SPIDR: variants seen among roughly 807,000 people sequenced by gnomAD.
The protein encoded by SPIDR is DNA repair-scaffolding protein.
Under a neutral mutation model 104.6 loss-of-function variants are expected in SPIDR, and 93 were observed. The ratio of observed to expected loss-of-function variants is 0.89; its 90% CI spans 0.75 to 1.06. SPIDR has a LOEUF of 1.06. Ranked by LOEUF, SPIDR falls within the 50% of genes least tolerant of loss-of-function variation. The probability of loss-of-function intolerance (pLI) is 0.00; values close to 1 mark genes in which losing one functional copy is unlikely to be tolerated. For synonymous variants in SPIDR, 431 were observed against 416.9 expected (o/e 1.03, Z -0.41); for missense variants, 1,154 against 1,111.2 (o/e 1.04, Z -0.55).
At chr8:47,660,017 C>T (rs1445971825) in intron 10 of SPIDR, among the ~76,000 whole-genome samples, 2 of 152,208 alleles carry the variant, frequency 1.3e-5, no homozygotes, top group African/African-American at 2.4e-5. Context: ...TCTCGCTGTC[C>T]TTCATTCGTG....
intron 5 of SPIDR, among the ~76,000 whole-genome samples, chr8:47,296,023 C>T (rs1378782667): frequency 6.6e-6 from 1 of 152,156 alleles, no homozygotes; most frequent in Non-Finnish European, 1.5e-5. Context: ...ATCTGCATTT[C>T]CCTGGTGAGT....
At chr8:47,472,512 G>A (rs2075843484) in intron 8 of SPIDR, among the ~76,000 whole-genome samples, 1 of 152,188 alleles carries the variant, frequency 6.6e-6, no homozygotes, top group South Asian at 2.1e-4. Context: ...AAGTATTACA[G>A]GTGTTCAAGG....
chr8:47,432,714 C>T (rs917443307), intron 7 of SPIDR, among the ~76,000 whole-genome samples: 21 of 152,146 alleles, frequency 1.4e-4, no homozygotes, highest in Admixed American at 5.9e-4. Flanking sequence ...TATTTTTCAC[C>T]TTGTCATAGA....
intron 5 of SPIDR, among the ~76,000 whole-genome samples, chr8:47,335,681 C>T (rs1554608401): frequency 6.6e-6 from 1 of 152,144 alleles, no homozygotes; most frequent in African/African-American, 2.4e-5. Flanking sequence ...GAACTCCTGG[C>T]CTCAAGTGAT....
chr8:47,418,285 C>G (rs2154331832), intron 7 of SPIDR, among the ~76,000 whole-genome samples: 1 of 152,180 alleles, frequency 6.6e-6, no homozygotes, highest in African/African-American at 2.4e-5. Context: ...TGTTTGTATC[C>G]TCTTTTATTT....
intron 8 of SPIDR, among the ~76,000 whole-genome samples, chr8:47,558,873 C>T (rs571745568): frequency 2.0e-5 from 3 of 152,266 alleles, no homozygotes; most frequent in South Asian, 2.1e-4. Context: ...GATCTGACCT[C>T]GTGATCCACC....
chr8:47,433,017 A>G (rs556321458), intron 7 of SPIDR, among the ~76,000 whole-genome samples: 1 of 152,162 alleles, frequency 6.6e-6, no homozygotes, highest in Non-Finnish European at 1.5e-5. Context: ...CAGTATTCTC[A>G]TACTACCTGC....
chr8:47,386,888 G>A (rs1419336050), intron 5 of SPIDR, among the ~76,000 whole-genome samples: 2 of 62,044 alleles, frequency 3.2e-5, no homozygotes, highest in Non-Finnish European at 6.9e-5. Flanking sequence ...GAGAGAGAGA[G>A]AGAAAGAGAG....
chr8:47,590,046 C>T (rs2060801891), intron 8 of SPIDR, among the ~76,000 whole-genome samples: 1 of 151,738 alleles, frequency 6.6e-6, no homozygotes, highest in Non-Finnish European at 1.5e-5. Flanking sequence ...TGGTGGTGGG[C>T]ACCTGTAATC....
rs749666327 is a variant in SPIDR, at chr8:47,712,779, G to A, written c.2095G>A (p.Ala699Thr). Residue 699 changes from alanine to threonine, a missense_variant, in exon 15 of 20, where the codon GCC becomes ACC. By Grantham distance (58) the Ala-to-Thr change is moderately conservative. Coordinates refer to ENST00000297423, the MANE Select transcript of SPIDR (RefSeq NM_001080394.4). ...CCCCAAAACCCTGCTGGTCTATGTG[G>A]CCCCCTTGTGTGTGCTGGGCTCTGA... ...RLPKTLLVYV[A>T]PLCVLGSEVL... 6.2e-7 allele frequency: 1 copy of A among 1,614,118 alleles called. No homozygotes were observed. The highest frequency in any genetic ancestry group is 8.5e-7 in the Non-Finnish European group (1 of 1,180,042).
At chr8:47,681,715 C>T (rs184579768) in intron 11 of SPIDR, among the ~76,000 whole-genome samples, 11 of 152,290 alleles carry the variant, frequency 7.2e-5, no homozygotes, top group Non-Finnish European at 1.5e-4. Context: ...ACTATGAACA[C>T]ATTAATTGAT....
intron 8 of SPIDR, among the ~76,000 whole-genome samples, chr8:47,479,431 A>G (rs999338345): frequency 6.6e-5 from 10 of 152,150 alleles, no homozygotes; most frequent in African/African-American, 1.9e-4. Flanking sequence ...TTTGCTGGAA[A>G]GTATCTTATA....
At chr8:47,312,597 T>G (rs1327339301) in intron 5 of SPIDR, among the ~76,000 whole-genome samples, 1 of 152,144 alleles carries the variant, frequency 6.6e-6, no homozygotes, top group East Asian at 1.9e-4. Context: ...TTTGTTTGAG[T>G]TCATTGTAGA....
intron 7 of SPIDR, among the ~76,000 whole-genome samples, chr8:47,437,814 T>C (rs1381701941): frequency 6.6e-6 from 1 of 152,214 alleles, no homozygotes; most frequent in East Asian, 1.9e-4. Context: ...GTTCAACCAT[T>C]GTGGAAGTCA....
At chr8:47,620,629 G>GT (rs1456045097) in intron 10 of SPIDR, among the ~76,000 whole-genome samples, 1 of 146,914 alleles carries the variant, frequency 6.8e-6, no homozygotes, top group African/African-American at 2.5e-5. Flanking sequence ...TTTCTTTGGG[G>GT]TTTTTTTGAG....
At chr8:47,314,117 A>G (rs1008424456) in intron 5 of SPIDR, among the ~76,000 whole-genome samples, 1 of 152,246 alleles carries the variant, frequency 6.6e-6, no homozygotes, top group Non-Finnish European at 1.5e-5. Flanking sequence ...ACTGCTGTGT[A>G]TAAAGGATGA....
chr8:47,367,078 G>C (rs1480460960), intron 5 of SPIDR, among the ~76,000 whole-genome samples: 2 of 152,168 alleles, frequency 1.3e-5, no homozygotes, highest in African/African-American at 4.8e-5. Context: ...GGAATTTATT[G>C]TCAGTGGGCT....
At chr8:47,552,374 T>A (rs1261690571) in intron 8 of SPIDR, among the ~76,000 whole-genome samples, 1 of 152,206 alleles carries the variant, frequency 6.6e-6, no homozygotes, top group African/African-American at 2.4e-5. Context: ...AGTGGGGTGT[T>A]AAAGTCTCCC....
Position 47,526,668 on chromosome 8 carries a change from C to T in SPIDR, c.1098-69143C>T, listed in dbSNP as rs543125991. 6.6e-5 allele frequency among the ~76,000 whole-genome samples: 10 copies of T among 152,098 alleles called. No individual in the cohort carries two copies. In the East Asian group the frequency reaches 1.9e-3, roughly 29 times the overall value. Reference sequence around the variant, plus strand: ...CTGCAGGGATGTGGCAACTGAACATCCAGGAACTGTAACAAGACAGTGTTT... The same window carrying T: ...CTGCAGGGATGTGGCAACTGAACATTCAGGAACTGTAACAAGACAGTGTTT... On this transcript the variant is annotated intron_variant, in intron 8 of 19. Transcript: ENST00000297423.
Sources: gnomAD v4.1 joint callset for allele counts (sites outside exome capture counted in the v4.1 genomes callset) on GRCh38, gnomAD v4.1.1 for gene constraint, MANE v1.5 for transcripts, NCBI Gene and HGNC (gene_info 2026-07-23, HGNC 2026-07-21) for gene names.